The following ZNF566 variants were observed in gnomAD, a reference collection of about 807,000 sequenced individuals.
ZNF566 encodes the protein zinc finger protein 566.
ZNF566 carries 27 observed loss-of-function variants against 32.8 expected under a neutral mutation model. The ratio of observed to expected loss-of-function variants is 0.82; its 90% CI spans 0.61 to 1.14. The LOEUF (loss-of-function observed/expected upper bound fraction) is 1.14, where lower values mean the gene tolerates loss of function less well. Ranked by LOEUF, ZNF566 falls within the 50% of genes most tolerant of loss-of-function variation. The pLI is 0.00. For synonymous variants in ZNF566, 154 were observed against 159.5 expected (o/e 0.97, Z 0.26); for missense variants, 402 against 490.4 (o/e 0.82, Z 1.70).
chr19:36,489,442 C>A, intron 1 of ZNF566, 44 bp downstream of exon 1: 1 of 302,554 alleles, frequency 3.3e-6, no homozygotes, highest in Non-Finnish European at 6.4e-6. Context: ...CGAGGCTTGG[C>A]CCCCGGCCCC....
intron 1 of ZNF566, among the ~76,000 whole-genome samples, chr19:36,481,413 G>T (rs2145704260): frequency 6.7e-6 from 1 of 148,188 alleles, no homozygotes; most frequent in East Asian, 2.0e-4. Context: ...GGAGGTTGCA[G>T]TGAGCCGAGA....
At chr19:36,484,402 G>C (rs1239819978) in intron 1 of ZNF566, among the ~76,000 whole-genome samples, 2 of 152,054 alleles carry the variant, frequency 1.3e-5, no homozygotes, top group African/African-American at 4.8e-5. Context: ...CTTTTAACAG[G>C]AGCAAGAAGA....
intron 1 of ZNF566, among the ~76,000 whole-genome samples, chr19:36,484,513 G>A (rs527643160): frequency 1.6e-4 from 25 of 151,850 alleles, no homozygotes; most frequent in Middle Eastern, 3.5e-3. Context: ...AATTGTTACA[G>A]GTAAAAATTA....
chr19:36,479,243 T>A (rs541130799), intron 1 of ZNF566, among the ~76,000 whole-genome samples: 2 of 152,284 alleles, frequency 1.3e-5, no homozygotes, highest in African/African-American at 4.8e-5. Flanking sequence ...GCTTGGCCAG[T>A]ATAATAGGGC....
chr19:36,457,850 C>T (rs570479206), intron 4 of ZNF566, among the ~76,000 whole-genome samples: 2 of 152,314 alleles, frequency 1.3e-5, no homozygotes, highest in South Asian at 4.1e-4. Flanking sequence ...GAGATTGCAC[C>T]ACTGCACTCC....
intron 1 of ZNF566, 144 bp downstream of exon 1, chr19:36,489,342 A>C: frequency 4.3e-6 from 1 of 234,054 alleles, no homozygotes; most frequent in Admixed American, 5.4e-5. Context: ...TCACAAGGGC[A>C]GCCTGTCACA....
intron 4 of ZNF566, among the ~76,000 whole-genome samples, chr19:36,453,144 C>A (rs995736533): frequency 2.9e-4 from 42 of 146,554 alleles, no homozygotes; most frequent in African/African-American, 1.1e-3. Flanking sequence ...AACAAAAAAA[C>A]AAACAAAAAA....
chr19:36,448,904 A>G lies in ZNF566; in HGVS notation c.*73T>C. The G allele has an allele frequency of 8.0e-7, 1 of 1,252,140 alleles. No homozygotes were observed. The highest frequency in any genetic ancestry group is 1.6e-5 in the South Asian group (1 of 62,604). 77.6% of individuals were successfully genotyped at this position (1,252,140 alleles called of 1,614,324 possible). On this transcript the variant is annotated 3_prime_UTR_variant, in exon 5 of 5. Transcript: ENST00000452939. ...TTTCTACATTATTCTATCTAGAGGA[A>G]TTATTAACAAGATAAATTCTGTTTT...
chr19:36,471,526 A>G (rs978884097), intron 4 of ZNF566, among the ~76,000 whole-genome samples: 2 of 152,114 alleles, frequency 1.3e-5, no homozygotes, highest in African/African-American at 4.8e-5. Context: ...GTAACTTACT[A>G]TGGTGCTTCT....
At chr19:36,463,545 T>C (rs2033534206) in intron 4 of ZNF566, among the ~76,000 whole-genome samples, 2 of 143,592 alleles carry the variant, frequency 1.4e-5, no homozygotes, top group South Asian at 4.6e-4. Context: ...TTCTTTTTTT[T>C]TTTTTTTTTT....
At chr19:36,454,719 A>G (rs2033256520) in intron 4 of ZNF566, among the ~76,000 whole-genome samples, 1 of 152,240 alleles carries the variant, frequency 6.6e-6, no homozygotes, top group African/African-American at 2.4e-5. Context: ...AATTATGAGT[A>G]GGATAGTTCC....
intron 4 of ZNF566, among the ~76,000 whole-genome samples, chr19:36,453,260 G>A (rs2033209371): frequency 6.6e-6 from 1 of 151,834 alleles, no homozygotes; most frequent in African/African-American, 2.4e-5. Context: ...AGATCACGAG[G>A]TCAAGAGATT....
rs2033234336 is a variant in ZNF566 at position 36,453,945 on chromosome 19, T to A, written c.233-3944A>T. 4.6e-5 allele frequency among the ~76,000 whole-genome samples: 7 copies of A among 152,268 alleles called. No individual in the cohort carries two copies. In the South Asian group the frequency reaches 1.5e-3, roughly 32 times the overall value. On this transcript the variant is annotated intron_variant, in intron 4 of 4. Coordinates refer to ENST00000452939, the MANE Select transcript of ZNF566 (RefSeq NM_001145344.1). ...TTCAAGTGATTCTCCTGCCTCAGCC[T>A]CCCAAGTAGCTGGGATTACAGGCAC...
intron 4 of ZNF566, among the ~76,000 whole-genome samples, chr19:36,457,002 A>G (rs555184992): frequency 3.9e-4 from 60 of 152,356 alleles, no homozygotes; most frequent in Non-Finnish European, 7.6e-4. Context: ...AAAATAGATT[A>G]CAAAGCTGCA....
At chr19:36,468,729 G>A (rs1256938307) in intron 4 of ZNF566, among the ~76,000 whole-genome samples, 7 of 151,282 alleles carry the variant, frequency 4.6e-5, no homozygotes, top group African/African-American at 1.5e-4. Flanking sequence ...CCTGGGCAAC[G>A]TGGCAAAACC....
At chr19:36,466,463 T>C (rs150337137) in intron 4 of ZNF566, among the ~76,000 whole-genome samples, 2 of 152,326 alleles carry the variant, frequency 1.3e-5, no homozygotes, top group Non-Finnish European at 2.9e-5. Context: ...GTATTTTACA[T>C]CCATGATTGG....
At chr19:36,476,302 T>C (rs1220352301) in intron 2 of ZNF566, 4 of 376,112 alleles carry the variant, frequency 1.1e-5, no homozygotes, top group African/African-American at 2.3e-5. Flanking sequence ...CGAGACTCCA[T>C]CTCGAAAAAA....
chr19:36,481,194 G>A (rs1408255107), intron 1 of ZNF566, among the ~76,000 whole-genome samples: 3 of 151,970 alleles, frequency 2.0e-5, no homozygotes, highest in African/African-American at 7.2e-5. Context: ...ATGAGGGCTG[G>A]GCACAGGGGC....
chr19:36,483,512 A>G (rs1456691131), intron 1 of ZNF566, among the ~76,000 whole-genome samples: 2 of 152,228 alleles, frequency 1.3e-5, no homozygotes, highest in East Asian at 3.9e-4. Flanking sequence ...GGTTGGGGGG[A>G]AGCTTTAAAA....
Sources: allele counts gnomAD v4.1 joint callset (sites outside exome capture counted in the v4.1 genomes callset), GRCh38; gene constraint gnomAD v4.1.1; transcripts MANE v1.5; gene names NCBI Gene and HGNC (gene_info 2026-07-23, HGNC 2026-07-21).